Variants in STK38 observed in about 807,000 individuals in gnomAD.
The protein encoded by STK38 is serine/threonine-protein kinase 38.
Under a neutral mutation model 59.0 loss-of-function variants are expected in STK38, and 26 were observed. The ratio of observed to expected loss-of-function variants is 0.44; its 90% confidence interval spans 0.32 to 0.61. STK38 has a LOEUF of 0.61. STK38 is among the 20% of genes least tolerant of loss of function. The probability of loss-of-function intolerance (pLI) is 0.04; values close to 1 mark genes in which losing one functional copy is unlikely to be tolerated. For synonymous variants in STK38, 175 were observed against 176.6 expected (o/e 0.99, Z 0.07); for missense variants, 433 against 566.0 (o/e 0.76, Z 2.38).
chr6:36,537,680 T>C (rs970974607), intron 2 of STK38, among the ~76,000 whole-genome samples: 30 of 151,832 alleles, frequency 2.0e-4, no homozygotes, highest in African/African-American at 7.0e-4. Context: ...GGAGGATCAC[T>C]TGAACCCCGG....
chr6:36,513,806 C>A (rs1199343840), intron 7 of STK38, among the ~76,000 whole-genome samples: 1 of 145,888 alleles, frequency 6.9e-6, no homozygotes, highest in Non-Finnish European at 1.5e-5. Flanking sequence ...CAGTTTGAGA[C>A]CAGCCTGGGC....
intron 1 of STK38, among the ~76,000 whole-genome samples, chr6:36,546,615 A>C (rs1472714535): frequency 1.3e-5 from 2 of 152,140 alleles, no homozygotes; most frequent in African/African-American, 2.4e-5. Flanking sequence ...CTTTCCTCTA[A>C]GCCCTTACCG....
At chr6:36,536,085 G>A (rs1159946475) in intron 2 of STK38, among the ~76,000 whole-genome samples, 1 of 152,086 alleles carries the variant, frequency 6.6e-6, no homozygotes, top group African/African-American at 2.4e-5. Flanking sequence ...GACTGGCTAA[G>A]GACAGACAAG....
chr6:36,522,024 A>G (rs1241185770), intron 4 of STK38, among the ~76,000 whole-genome samples: 1 of 152,214 alleles, frequency 6.6e-6, no homozygotes, highest in African/African-American at 2.4e-5. Flanking sequence ...ACATCCTCAA[A>G]TACCTCTACA....
chr6:36,510,024 T>C (rs146427633), intron 7 of STK38, among the ~76,000 whole-genome samples: 5 of 152,302 alleles, frequency 3.3e-5, no homozygotes, highest in South Asian at 2.1e-4. Flanking sequence ...AAGTTCTTAC[T>C]CTGGGCCACA....
chr6:36,502,485 C>T (rs924069912), intron 9 of STK38, among the ~76,000 whole-genome samples: 4 of 151,998 alleles, frequency 2.6e-5, no homozygotes, highest in Non-Finnish European at 4.4e-5. Context: ...GAATTCAGGA[C>T]ATTAATCTGT....
intron 10 of STK38, 126 bp downstream of exon 10, chr6:36,499,747 A>G: frequency 2.5e-6 from 2 of 816,206 alleles, no homozygotes; most frequent in East Asian, 2.5e-5. Flanking sequence ...TCTGTCTAAA[A>G]CAATTCACTT....
chr6:36,544,869 TAAAAAC>T (rs1183094835), intron 1 of STK38, among the ~76,000 whole-genome samples: 1 of 151,874 alleles, frequency 6.6e-6, no homozygotes, highest in African/African-American at 2.4e-5. Context: ...GACTCTGTCT[TAAAAAC>T]AACAACAACA....
chr6:36,517,423 G>C (rs1306253670), intron 6 of STK38, among the ~76,000 whole-genome samples: 1 of 152,096 alleles, frequency 6.6e-6, no homozygotes, highest in African/African-American at 2.4e-5. Context: ...ATTGACAGGA[G>C]AGCAGGCAGA....
intron 1 of STK38, among the ~76,000 whole-genome samples, chr6:36,542,753 C>T (rs1192789693): frequency 2.6e-5 from 4 of 152,028 alleles, no homozygotes; most frequent in African/African-American, 9.7e-5. Context: ...GGAGACTAGC[C>T]TGACCAACAG....
At chr6:36,538,645 C>A (rs746404480) in intron 2 of STK38, among the ~76,000 whole-genome samples, 1 of 152,080 alleles carries the variant, frequency 6.6e-6, no homozygotes, top group African/African-American at 2.4e-5. Flanking sequence ...CAGTGGCTCA[C>A]GCCTATAACC....
At chr6:36,505,988 T>C (rs1436102647) in intron 9 of STK38, among the ~76,000 whole-genome samples, 2 of 152,174 alleles carry the variant, frequency 1.3e-5, no homozygotes, top group African/African-American at 4.8e-5. Flanking sequence ...CAACATACTA[T>C]CAAGGTAAAC....
Position 36,540,393 on chromosome 6 carries a change from C to G in STK38, c.-5-186G>C, listed in dbSNP as rs983200077. 3.3e-5 allele frequency among the ~76,000 whole-genome samples: 5 copies of G among 152,102 alleles called. No individual in the cohort carries two copies. The South Asian group carries it at 6.2e-4, about 19-fold the overall frequency. ...TAAATATAAATTACTGTCCTATGAC[C>G]CAGAAATCCCACCCCTAGGTATAAA... On this transcript the variant is annotated intron_variant, in intron 1 of 13. Transcript: ENST00000229812.
At chr6:36,503,887 C>A (rs1335156346) in intron 9 of STK38, among the ~76,000 whole-genome samples, 1 of 152,206 alleles carries the variant, frequency 6.6e-6, no homozygotes, top group Non-Finnish European at 1.5e-5. Flanking sequence ...ACCAGGTGTG[C>A]CCTTTCCAAT....
rs754385176 is a variant in STK38 at position 36,527,214 on chromosome 6, GTA to G, written c.132-1574_132-1573del. Reference sequence around the variant, plus strand: ...CTCAAAAAAAAAAAAAAAAATATATGTATATATATATATATTTATATGTATAT... The same window carrying G: ...CTCAAAAAAAAAAAAAAAAATATATGTATATATATATATTTATATGTATAT... On this transcript the variant is annotated intron_variant, in intron 2 of 13. Coordinates refer to ENST00000229812, the MANE Select transcript of STK38 (RefSeq NM_007271.4). 2.5e-4 allele frequency among the ~76,000 whole-genome samples: 29 copies of G among 117,210 alleles called. 1 individual carries two copies. The highest frequency in any genetic ancestry group is 4.9e-4 in the African/African-American group (14 of 28,502). 76.9% of individuals were successfully genotyped at this position (117,210 alleles called of 152,430 possible). A position where few individuals can be genotyped will look rare whatever the true frequency, so the allele number is the denominator to read the frequency against.
In STK38 at chr6:36,530,676, T is replaced by TTTTTC. The variant is rs1326702329; in HGVS notation, c.132-5039_132-5035dup. Among the ~76,000 whole-genome samples the TTTTTC allele has an allele frequency of 6.2e-4, 92 of 148,654 alleles. 3 individuals are homozygous for TTTTTC. The East Asian group carries it at 0.018, about 29-fold the overall frequency. On this transcript the variant is annotated intron_variant, in intron 2 of 13. Transcript: ENST00000229812. The stretch of plus-strand genomic sequence containing the variant: ...GCCACCACACCCGGCCTTTTTCCTT[T>TTTTTC]TTTTCTTTTCTTTTCTTTTTTTTTT...
chr6:36,499,479 A>G (rs1034229297), intron 10 of STK38, among the ~76,000 whole-genome samples: 4 of 152,186 alleles, frequency 2.6e-5, no homozygotes, highest in African/African-American at 9.6e-5. Context: ...AATAAGAGGG[A>G]GAGAGGCCAG....
chr6:36,498,715 G>A lies in STK38; in HGVS notation c.953-229C>T, dbSNP rs141874722. Among the ~76,000 whole-genome samples, 633 of 151,464 alleles carry A rather than the reference G, an allele frequency of 4.2e-3. 4 individuals are homozygous for A. Among genetic ancestry groups the A allele is most frequent in the Middle Eastern group, 0.017 (5 of 294 alleles). On this transcript the variant is annotated intron_variant, in intron 10 of 13. Coordinates refer to ENST00000229812, the MANE Select transcript of STK38 (RefSeq NM_007271.4). Reference sequence around the variant, plus strand: ...TGATCTTCCTGCCTCAGCCTTCCCAGTAGGTGGGACTACAGAAGAGCACCA... The same window carrying A: ...TGATCTTCCTGCCTCAGCCTTCCCAATAGGTGGGACTACAGAAGAGCACCA...
At chr6:36,542,279 T>C (rs1777956792) in intron 1 of STK38, among the ~76,000 whole-genome samples, 1 of 152,234 alleles carries the variant, frequency 6.6e-6, no homozygotes, top group African/African-American at 2.4e-5. Context: ...ATTTGATAAA[T>C]GTTTGCCGTT....
Sources: gnomAD v4.1 joint callset for allele counts (sites outside exome capture counted in the v4.1 genomes callset) on GRCh38, gnomAD v4.1.1 for gene constraint, MANE v1.5 for transcripts, NCBI Gene and HGNC (gene_info 2026-07-23, HGNC 2026-07-21) for gene names.